ADAMTSL3: variants seen among roughly 807,000 people sequenced by gnomAD.
ADAMTSL3 encodes the protein ADAMTS-like protein 3.
ADAMTSL3 carries 128 observed loss-of-function variants against 201.7 expected under a neutral mutation model. The observed-to-expected ratio is 0.63, with a 90% confidence interval of 0.55 to 0.73. The LOEUF (loss-of-function observed/expected upper bound fraction) is 0.73. ADAMTSL3 is among the 30% of genes least tolerant of loss of function. The probability of loss-of-function intolerance (pLI) is 0.00; values close to 1 mark genes in which losing one functional copy is unlikely to be tolerated. For missense variants in ADAMTSL3, 1,990 were observed against 2,119.6 expected (o/e 0.94, Z 1.20); for synonymous variants, 738 against 748.4 (o/e 0.99, Z 0.23).
intron 12 of ADAMTSL3, among the ~76,000 whole-genome samples, chr15:83,892,376 A>G (rs2065520894): frequency 6.6e-6 from 1 of 151,050 alleles, no homozygotes; most frequent in South Asian, 2.1e-4. Flanking sequence ...CTAAAAATAC[A>G]AAAATTAGCC....
intron 7 of ADAMTSL3, among the ~76,000 whole-genome samples, chr15:83,839,472 C>T (rs1490940987): frequency 6.6e-6 from 1 of 152,006 alleles, no homozygotes; most frequent in Non-Finnish European, 1.5e-5. Context: ...TAAGTGGAGC[C>T]CTCAAAGCAA....
chr15:83,680,918 A>T (rs2061468547), intron 2 of ADAMTSL3, among the ~76,000 whole-genome samples: 1 of 152,206 alleles, frequency 6.6e-6, no homozygotes. Flanking sequence ...ATGTTATCCA[A>T]AATTTAGTTT....
At chr15:83,750,947 T>G (rs548627729) in intron 3 of ADAMTSL3, among the ~76,000 whole-genome samples, 1 of 152,342 alleles carries the variant, frequency 6.6e-6, no homozygotes, top group East Asian at 1.9e-4. Flanking sequence ...GTTCGTCCAT[T>G]AACTAAATTA....
intron 2 of ADAMTSL3, among the ~76,000 whole-genome samples, chr15:83,672,839 T>C (rs963019115): frequency 3.3e-5 from 5 of 152,204 alleles, no homozygotes; most frequent in Non-Finnish European, 7.3e-5. Flanking sequence ...GCTGGGGGCC[T>C]GAGCAGTGGC....
chr15:83,968,831 G>A (rs556694573), intron 19 of ADAMTSL3, among the ~76,000 whole-genome samples: 104 of 152,294 alleles, frequency 6.8e-4, no homozygotes, highest in Non-Finnish European at 9.4e-4. Context: ...CCACAAAAAA[G>A]GATGAGTTCA....
chr15:83,909,451 G>T (rs554542273), intron 15 of ADAMTSL3, among the ~76,000 whole-genome samples: 1 of 151,984 alleles, frequency 6.6e-6, no homozygotes, highest in Non-Finnish European at 1.5e-5. Context: ...TGTTTCATGC[G>T]TTGGAATCTC....
intron 19 of ADAMTSL3, among the ~76,000 whole-genome samples, chr15:83,968,124 C>A (rs1032839935): frequency 6.6e-6 from 1 of 152,112 alleles, no homozygotes; most frequent in Non-Finnish European, 1.5e-5. Flanking sequence ...TAGACATGGG[C>A]AAAGACTTCA....
chr15:83,891,044 G>T, intron 11 of ADAMTSL3: 1 of 325,668 alleles, frequency 3.1e-6, no homozygotes, highest in Admixed American at 4.6e-5. Context: ...ATTATAAAAA[G>T]GAATAAATTT....
At chr15:83,761,650 C>G (rs184388972) in intron 3 of ADAMTSL3, among the ~76,000 whole-genome samples, 6 of 152,296 alleles carry the variant, frequency 3.9e-5, no homozygotes, top group African/African-American at 1.4e-4. Context: ...TCTTTTTAAT[C>G]TTACCTGATG....
chr15:83,853,927 TC>T (rs1596317086), intron 7 of ADAMTSL3, among the ~76,000 whole-genome samples: 1 of 149,972 alleles, frequency 6.7e-6, no homozygotes, highest in African/African-American at 2.5e-5. Context: ...TATCTATCTA[TC>T]TATCTATCTA....
chr15:83,736,084 A>T (rs1194221832), intron 3 of ADAMTSL3, among the ~76,000 whole-genome samples: 1 of 152,210 alleles, frequency 6.6e-6, no homozygotes, highest in African/African-American at 2.4e-5. Context: ...CCTCAGATTC[A>T]TCCAACATAC....
At chr15:83,820,986 A>G (rs1016107801) in intron 6 of ADAMTSL3, among the ~76,000 whole-genome samples, 1 of 152,092 alleles carries the variant, frequency 6.6e-6, no homozygotes, top group Non-Finnish European at 1.5e-5. Flanking sequence ...AGGCGGGAGA[A>G]TCACTTGAAC....
intron 19 of ADAMTSL3, among the ~76,000 whole-genome samples, chr15:83,965,804 A>G (rs1234832216): frequency 6.6e-6 from 1 of 152,128 alleles, no homozygotes; most frequent in Non-Finnish European, 1.5e-5. Context: ...CTCAGCAAAT[A>G]CAAAAGAGTG....
chr15:83,811,338 A>G (rs2063693053), intron 5 of ADAMTSL3, among the ~76,000 whole-genome samples: 1 of 152,194 alleles, frequency 6.6e-6, no homozygotes, highest in Admixed American at 6.5e-5. Flanking sequence ...ATTTCCAGCA[A>G]TAATTTGTGA....
intron 23 of ADAMTSL3, among the ~76,000 whole-genome samples, chr15:84,014,281 C>G (rs1025899744): frequency 6.6e-6 from 1 of 152,306 alleles, no homozygotes; most frequent in South Asian, 2.1e-4. Context: ...CAATACAGAG[C>G]AATCCTACTC....
chr15:83,915,714 T>C (rs933572444), intron 16 of ADAMTSL3, among the ~76,000 whole-genome samples: 1 of 152,218 alleles, frequency 6.6e-6, no homozygotes, highest in Non-Finnish European at 1.5e-5. Context: ...CTACTGTCTA[T>C]TATGGACGTT....
chr15:83,768,579 A>G (rs1197434654), intron 3 of ADAMTSL3, among the ~76,000 whole-genome samples: 1 of 152,194 alleles, frequency 6.6e-6, no homozygotes, highest in Non-Finnish European at 1.5e-5. Context: ...GGAACGTAGA[A>G]GGAACTAGGA....
rs547053789 is a variant in ADAMTSL3, at chr15:83,937,759, T to G, written c.2118-4837T>G. ...TGATTTTGTCTTTTTGCATGTTAAT[T>G]GAATGTAAAATTTCTAGAATTCAAA... is the stretch of plus-strand genomic sequence containing the variant. On this transcript the variant is annotated intron_variant, in intron 17 of 29. Coordinates refer to ENST00000286744, the MANE Select transcript of ADAMTSL3 (RefSeq NM_207517.3). Among the ~76,000 whole-genome samples, 29 of 151,226 alleles carry G rather than the reference T, an allele frequency of 1.9e-4. 5 individuals are homozygous for G. The highest frequency in any genetic ancestry group is 7.2e-4 in the African/African-American group (29 of 40,512).
chr15:83,694,501 A>T (rs2061653941), intron 2 of ADAMTSL3: 1 of 152,158 alleles, frequency 6.6e-6, no homozygotes, highest in Non-Finnish European at 1.5e-5. Flanking sequence ...ACTTATTTCC[A>T]TGTGACATTT....
Sources: allele counts gnomAD v4.1 joint callset (sites outside exome capture counted in the v4.1 genomes callset), GRCh38; gene constraint gnomAD v4.1.1; transcripts MANE v1.5; gene names NCBI Gene and HGNC (gene_info 2026-07-23, HGNC 2026-07-21).